DIP2C: variants seen among roughly 807,000 people sequenced by gnomAD.
The protein encoded by DIP2C is disco-interacting protein 2 homolog C.
A neutral mutation model predicts 192.4 loss-of-function variants in DIP2C; 33 were observed. That is an observed-to-expected ratio of 0.17 (90% CI 0.13 to 0.23). The LOEUF (loss-of-function observed/expected upper bound fraction) is 0.23. Ranked by LOEUF, DIP2C falls within the 10% of genes least tolerant of loss-of-function variation. DIP2C has a pLI of 1.00. For missense variants in DIP2C, 1,537 were observed against 2,110.1 expected (o/e 0.73, Z 5.32); for synonymous variants, 979 against 864.1 (o/e 1.13, Z -2.33).
chr10:422,613 A>G (rs903359517), intron 5 of DIP2C, among the ~76,000 whole-genome samples: 3 of 152,222 alleles, frequency 2.0e-5, no homozygotes, highest in Non-Finnish European at 2.9e-5. Context: ...CCCCAGGAAC[A>G]AGGCCCCTGG....
chr10:309,291 C>G (rs1371198639), intron 32 of DIP2C, among the ~76,000 whole-genome samples: 2 of 152,112 alleles, frequency 1.3e-5, no homozygotes, highest in Non-Finnish European at 2.9e-5. Flanking sequence ...TCACCAAGAA[C>G]TCCACTTTTC....
Position 345,096 on chromosome 10 carries a change from G to A in DIP2C, c.3246C>T (p.Ala1082=), listed in dbSNP as rs545422148. ...VKMIVEVSRS[A]CLMTTQLICK... ...AGATCAGCTGTGTCGTCATCAGACAGGCAGAGCGACTCACCTGGCATCAGA... is the reference window on the plus strand; with the variant it reads ...AGATCAGCTGTGTCGTCATCAGACAAGCAGAGCGACTCACCTGGCATCAGA... The change falls in exon 27 of 37, where the codon GCC becomes GCT. Residue 1082 remains alanine (A), a synonymous_variant. Transcript: ENST00000280886. 5.0e-6 allele frequency: 8 copies of A among 1,612,230 alleles called. No individual in the cohort carries two copies. The African/African-American group carries it at 6.7e-5, about 13-fold the overall frequency.
intron 3 of DIP2C, among the ~76,000 whole-genome samples, chr10:450,961 G>A (rs1968796865): frequency 6.6e-6 from 1 of 152,110 alleles, no homozygotes; most frequent in African/African-American, 2.4e-5. Flanking sequence ...GTCCATATGT[G>A]TGGGTATAAA....
intron 7 of DIP2C, among the ~76,000 whole-genome samples, chr10:415,254 A>C (rs1248919570): frequency 6.6e-6 from 1 of 152,120 alleles, no homozygotes; most frequent in Admixed American, 6.6e-5. Context: ...TTGTGGTTTA[A>C]CACATAAGAT....
chr10:371,383 C>T (rs1034913050), intron 17 of DIP2C, among the ~76,000 whole-genome samples: 1 of 152,182 alleles, frequency 6.6e-6, no homozygotes, highest in African/African-American at 2.4e-5. Flanking sequence ...TTGATAAACC[C>T]ATTGTAAAGG....
At chr10:378,496 G>A (rs966958916) in intron 17 of DIP2C, among the ~76,000 whole-genome samples, 8 of 151,958 alleles carry the variant, frequency 5.3e-5, no homozygotes, top group African/African-American at 1.9e-4. Flanking sequence ...TGTGAACACA[G>A]ACATGCATAA....
chr10:410,271 G>A (rs984970367), intron 8 of DIP2C, among the ~76,000 whole-genome samples: 1 of 152,184 alleles, frequency 6.6e-6, no homozygotes, highest in Admixed American at 6.5e-5. Context: ...CTCAGCAAAT[G>A]TTTCTTCATT....
At chr10:550,777 A>C (rs567814482) in intron 1 of DIP2C, among the ~76,000 whole-genome samples, 15 of 152,364 alleles carry the variant, frequency 9.8e-5, no homozygotes, top group African/African-American at 3.6e-4. Flanking sequence ...GAGTTGCAAT[A>C]AACAAGCATC....
At chr10:640,821 C>T (rs1855153226) in intron 1 of DIP2C, among the ~76,000 whole-genome samples, 1 of 151,902 alleles carries the variant, frequency 6.6e-6, no homozygotes, top group South Asian at 2.1e-4. Context: ...GGCAGCAAGG[C>T]CGGTCAAGGC....
intron 1 of DIP2C, among the ~76,000 whole-genome samples, chr10:561,907 T>C (rs1269551795): frequency 1.3e-5 from 2 of 152,232 alleles, no homozygotes; most frequent in Non-Finnish European, 2.9e-5. Flanking sequence ...GCGTGACAGC[T>C]CTAGCCCCAC....
intron 24 of DIP2C, among the ~76,000 whole-genome samples, chr10:355,311 A>G (rs1370891247): frequency 1.3e-5 from 2 of 152,234 alleles, no homozygotes; most frequent in African/African-American, 4.8e-5. Context: ...CTGGCAGAGG[A>G]GGAGGAGAGG....
chr10:583,149 G>A (rs902327765), intron 1 of DIP2C, among the ~76,000 whole-genome samples: 2 of 152,158 alleles, frequency 1.3e-5, no homozygotes, highest in Non-Finnish European at 2.9e-5. Context: ...CTCCTCCAAT[G>A]GAGCCTTCAC....
In DIP2C at chr10:389,973, C is replaced by A; in HGVS notation, c.1597+18G>T. The A allele has an allele frequency of 1.2e-6, 2 of 1,602,910 alleles. No individual in the cohort carries two copies. Among genetic ancestry groups the A allele is most frequent in the South Asian group, 1.1e-5 (1 of 89,504 alleles). The stretch of plus-strand genomic sequence containing the variant: ...GGTTAGAACCAGGGTCCCAAGGAGT[C>A]AGGGTCTGGCACCCCACCTTCCGTG... On this transcript the variant is annotated intron_variant, in intron 13 of 36. Transcript: ENST00000280886.
rs1213629573 is a variant in DIP2C, at chr10:414,737, G to GTATA, written c.860-628_860-627insTATA. Among the ~76,000 whole-genome samples the GTATA allele has an allele frequency of 5.3e-3, 298 of 55,790 alleles. 9 individuals are homozygous for GTATA. The highest frequency in any genetic ancestry group is 0.022 in the East Asian group (32 of 1,460). 36.6% of individuals were successfully genotyped at this position (55,790 alleles called of 152,430 possible). ...TGTGTGTGTGTGTGTGTGTGTGTGT[G>GTATA]TGTACATATATATATATATAATGTG... On this transcript the variant is annotated intron_variant, in intron 7 of 36. Coordinates refer to ENST00000280886, the MANE Select transcript of DIP2C (RefSeq NM_014974.3).
intron 13 of DIP2C, among the ~76,000 whole-genome samples, chr10:388,846 G>C (rs949315607): frequency 1.3e-5 from 2 of 152,256 alleles, no homozygotes; most frequent in Non-Finnish European, 2.9e-5. Context: ...ACGCCGCAGC[G>C]GTGCCCTGTC....
chr10:602,357 C>T (rs1367260845), intron 1 of DIP2C, among the ~76,000 whole-genome samples: 1 of 152,188 alleles, frequency 6.6e-6, no homozygotes, highest in Non-Finnish European at 1.5e-5. Context: ...GTAATGATAC[C>T]ATCGCAGCCC....
chr10:682,020 G>A (rs1309401697), intron 1 of DIP2C, among the ~76,000 whole-genome samples: 1 of 152,268 alleles, frequency 6.6e-6, no homozygotes, highest in Admixed American at 6.5e-5. Context: ...ACTGCATGGA[G>A]TGTGTATTCC....
chr10:532,628 G>A (rs908028319), intron 1 of DIP2C, among the ~76,000 whole-genome samples: 3 of 120,462 alleles, frequency 2.5e-5, no homozygotes, highest in African/African-American at 1.1e-4. Flanking sequence ...AGAGAGTATG[G>A]GTGTGAGAGA....
chr10:452,750 G>A (rs987729650), intron 3 of DIP2C, among the ~76,000 whole-genome samples: 20 of 152,240 alleles, frequency 1.3e-4, no homozygotes, highest in African/African-American at 2.9e-4. Flanking sequence ...ACCACACACC[G>A]CTACTGAGGA....
Sources: gnomAD v4.1 joint callset for allele counts (sites outside exome capture counted in the v4.1 genomes callset) on GRCh38, gnomAD v4.1.1 for gene constraint, MANE v1.5 for transcripts, NCBI Gene and HGNC (gene_info 2026-07-23, HGNC 2026-07-21) for gene names.